Variants in SLC5A1 observed in about 807,000 individuals in gnomAD.
SLC5A1 encodes the protein solute carrier family 5 member 1.
A neutral mutation model predicts 73.5 loss-of-function variants in SLC5A1; 42 were observed. The ratio of observed to expected loss-of-function variants is 0.57; its 90% CI spans 0.45 to 0.74. The LOEUF (loss-of-function observed/expected upper bound fraction) is 0.74. Ranked by LOEUF, SLC5A1 falls within the 30% of genes least tolerant of loss-of-function variation. The pLI, the probability that SLC5A1 is intolerant of heterozygous loss-of-function variation, is 0.00. For missense variants in SLC5A1, 634 were observed against 855.4 expected (o/e 0.74, Z 3.23); for synonymous variants, 300 against 317.4 (o/e 0.95, Z 0.58).
intron 5 of SLC5A1, among the ~76,000 whole-genome samples, chr22:32,073,732 T>A (rs2093986382): frequency 6.6e-6 from 1 of 152,060 alleles, no homozygotes; most frequent in Non-Finnish European, 1.5e-5. Context: ...AATTTTTGTA[T>A]ATTTTTAGTA....
At chr22:32,084,324 G>GT in intron 7 of SLC5A1, 115 bp from the exon 8 acceptor site, 1 of 885,040 alleles carries the variant, frequency 1.1e-6, no homozygotes, top group South Asian at 1.4e-5. Flanking sequence ...AGGCCACTCA[G>GT]TGAGGGCTCT....
At chr22:32,083,237 C>G in intron 7 of SLC5A1, 83 bp downstream of exon 7, 1 of 1,161,872 alleles carries the variant, frequency 8.6e-7, no homozygotes, top group Non-Finnish European at 1.3e-6. Context: ...AGCCTCTCTA[C>G]CTGCTTGCCA....
intron 7 of SLC5A1, 32 bp downstream of exon 7, chr22:32,083,186 G>T: frequency 6.3e-7 from 1 of 1,585,680 alleles, no homozygotes; most frequent in East Asian, 2.2e-5. Flanking sequence ...TGAGGAGGTG[G>T]GAGCAGAGGT....
chr22:32,088,336 CTT>C (rs5844962), intron 10 of SLC5A1, among the ~76,000 whole-genome samples: 17 of 134,672 alleles, frequency 1.3e-4, no homozygotes, highest in Admixed American at 2.3e-4. Context: ...TACTGCATTC[CTT>C]TTTTTTTTTT....
intron 2 of SLC5A1, chr22:32,059,140 A>C: frequency 1.0e-6 from 1 of 985,426 alleles, no homozygotes; most frequent in Non-Finnish European, 1.2e-6. Context: ...CCTCTTCTGA[A>C]TTTCATGCCA....
chr22:32,104,839 G>A lies in SLC5A1; in HGVS notation c.1719G>A (p.Leu573=). Residue 573 remains leucine, a synonymous_variant, in exon 14 of 15, where the codon CTG becomes CTA. Coordinates refer to ENST00000266088, the MANE Select transcript of SLC5A1 (RefSeq NM_000343.4). ...LRNSKEERID[L]DAEEENIQEG... is the part of the protein sequence containing the mutation. ...ACAGCAAAGAGGAGCGTATTGACCT[G>A]GATGCGGAAGAGGAGAACATCCAAG... 13 of 1,614,124 alleles carry A rather than the reference G, an allele frequency of 8.1e-6. No individual in the cohort carries two copies. Among genetic ancestry groups the A allele is most frequent in the Non-Finnish European group, 1.1e-5 (13 of 1,180,026 alleles).
chr22:32,085,058 C>G, intron 9 of SLC5A1, 23 bp downstream of exon 9: 1 of 1,613,900 alleles, frequency 6.2e-7, no homozygotes, highest in Non-Finnish European at 8.5e-7. Flanking sequence ...GCTGGACCCA[C>G]AAACCACTCT....
intron 10 of SLC5A1, among the ~76,000 whole-genome samples, chr22:32,088,610 A>G (rs954264933): frequency 6.6e-6 from 1 of 152,136 alleles, no homozygotes; most frequent in African/African-American, 2.4e-5. Context: ...AAGTGCTGGG[A>G]TTACAGGTGT....
chr22:32,084,411 T>C (rs2094004619), intron 7 of SLC5A1, 28 bp from the exon 8 acceptor site: 1 of 1,591,752 alleles, frequency 6.3e-7, no homozygotes, highest in Non-Finnish European at 8.6e-7. Context: ...GGTTTCAGAA[T>C]GTTCATTTCT....
intron 2 of SLC5A1, among the ~76,000 whole-genome samples, chr22:32,052,237 T>C (rs1257534684): frequency 6.6e-6 from 1 of 152,224 alleles, no homozygotes; most frequent in Non-Finnish European, 1.5e-5. Flanking sequence ...AAGATTGGTC[T>C]GAAAACCAAG....
At chr22:32,045,984 A>G (rs5998220) in intron 1 of SLC5A1, among the ~76,000 whole-genome samples, 147 of 152,364 alleles carry the variant, frequency 9.6e-4, no homozygotes, top group African/African-American at 3.3e-3. Context: ...AATTTGCAGT[A>G]GAGACCCTGT....
chr22:32,078,047 T>C (rs1397461404), intron 5 of SLC5A1, among the ~76,000 whole-genome samples: 1 of 152,212 alleles, frequency 6.6e-6, no homozygotes, highest in East Asian at 1.9e-4. Context: ...ATGCGCATCA[T>C]TTTGTTGTCT....
intron 14 of SLC5A1, 23 bp from the exon 15 acceptor site, chr22:32,109,966 TA>T: frequency 1.2e-6 from 2 of 1,603,038 alleles, no homozygotes; most frequent in Non-Finnish European, 1.7e-6. Flanking sequence ...CTGTGTCCAA[TA>T]ATTCTTCTAT....
chr22:32,071,854 C>T (rs2093983364), intron 5 of SLC5A1, among the ~76,000 whole-genome samples: 1 of 152,100 alleles, frequency 6.6e-6, no homozygotes, highest in African/African-American at 2.4e-5. Context: ...TTCCTGATTA[C>T]TTAAAGTTGA....
At chr22:32,099,101 AAAAAATATATATAT>A (rs1569316158) in intron 11 of SLC5A1, 68 bp from the exon 12 acceptor site, 65 of 131,038 alleles carry the variant, frequency 5.0e-4, no homozygotes, top group Non-Finnish European at 6.4e-4. Flanking sequence ...AAAAAAAAAA[AAAAAATATATATAT>A]ATATATATAT....
chr22:32,077,831 T>C (rs759769746), intron 5 of SLC5A1, among the ~76,000 whole-genome samples: 3 of 152,212 alleles, frequency 2.0e-5, no homozygotes, highest in Non-Finnish European at 4.4e-5. Flanking sequence ...TTACTACATA[T>C]ATATATGGGT....
intron 2 of SLC5A1, among the ~76,000 whole-genome samples, chr22:32,056,924 A>G (rs2149484827): frequency 6.6e-6 from 1 of 152,352 alleles, no homozygotes; most frequent in East Asian, 1.9e-4. Flanking sequence ...TCTTCAGAAT[A>G]GCATGTCTTT....
Position 32,112,920 on chromosome 22 carries a change from CTTAAT to C in SLC5A1, c.*2711_*2715del, listed in dbSNP as rs1452343431. ...ATGTGCAGTAATAGATGTTAATTAC[CTTAAT>C]TTAGTCATTTCACAATATGTACATA... On this transcript the variant is annotated 3_prime_UTR_variant, in exon 15 of 15. Transcript: ENST00000266088. 3.3e-5 allele frequency: 5 copies of C among 151,994 alleles called. No homozygotes were observed. Among genetic ancestry groups the C allele is most frequent in the Admixed American group, 6.5e-5 (1 of 15,268 alleles). The allele number at this position is 151,994 out of a possible 1,614,324, so 9.4% of individuals were successfully genotyped here.
At chr22:32,079,071 T>A (rs903577738) in intron 5 of SLC5A1, among the ~76,000 whole-genome samples, 2 of 151,278 alleles carry the variant, frequency 1.3e-5, no homozygotes, top group Non-Finnish European at 2.9e-5. Context: ...AAATAACGCA[T>A]GTGCCTAAAT....
Sources: gnomAD v4.1 joint callset for allele counts (sites outside exome capture counted in the v4.1 genomes callset) on GRCh38, gnomAD v4.1.1 for gene constraint, MANE v1.5 for transcripts, NCBI Gene and HGNC (gene_info 2026-07-23, HGNC 2026-07-21) for gene names.